The following ANKS1B variants were observed in gnomAD, a reference collection of about 807,000 sequenced individuals.
ANKS1B encodes ankyrin repeat and sterile alpha motif domain containing 1B.
A neutral mutation model predicts 148.3 loss-of-function variants in ANKS1B; 36 were observed. That is an observed-to-expected ratio of 0.24 (90% CI 0.19 to 0.32). The LOEUF (loss-of-function observed/expected upper bound fraction) is 0.32, where lower values mean the gene tolerates loss of function less well. ANKS1B is among the 10% of genes least tolerant of loss of function. The pLI, the probability that ANKS1B is intolerant of heterozygous loss-of-function variation, is 1.00. For synonymous variants in ANKS1B, 542 were observed against 560.8 expected (o/e 0.97, Z 0.47); for missense variants, 1,157 against 1,542.6 (o/e 0.75, Z 4.19).
rs146806208 is a variant in ANKS1B at position 99,904,524 on chromosome 12, T to C, written c.135-79135A>G. Among the ~76,000 whole-genome samples, 26 of 152,228 alleles carry C rather than the reference T, an allele frequency of 1.7e-4. No individual in the cohort carries two copies. In the East Asian group the frequency reaches 3.7e-3, roughly 22 times the overall value. On this transcript the variant is annotated intron_variant, in intron 1 of 26. Coordinates refer to ENST00000683438, the MANE Select transcript of ANKS1B (RefSeq NM_001352186.2). ...TTTTTTAGAAATCACACACAGTACA[T>C]TATATTCTGAAAATTGATTCACCAA... is the stretch of plus-strand genomic sequence containing the variant.
chr12:99,342,983 C>T (rs887658757), intron 12 of ANKS1B, among the ~76,000 whole-genome samples: 2 of 151,588 alleles, frequency 1.3e-5, no homozygotes, highest in Non-Finnish European at 2.9e-5. Context: ...TATTTTTAAT[C>T]AAATAGAAAA....
At chr12:99,496,318 G>A (rs1452222133) in intron 10 of ANKS1B, among the ~76,000 whole-genome samples, 3 of 152,036 alleles carry the variant, frequency 2.0e-5, no homozygotes, top group Non-Finnish European at 4.4e-5. Context: ...ATTTCATAAG[G>A]GATTTTACTG....
intron 9 of ANKS1B, among the ~76,000 whole-genome samples, chr12:99,558,226 G>A (rs1056826174): frequency 4.6e-5 from 7 of 152,142 alleles, no homozygotes; most frequent in African/African-American, 1.2e-4. Context: ...ATTGGTGACC[G>A]TAGCGGTGGG....
intron 22 of ANKS1B, among the ~76,000 whole-genome samples, chr12:98,797,496 C>G (rs2098960626): frequency 6.6e-6 from 1 of 152,152 alleles, no homozygotes; most frequent in African/African-American, 2.4e-5. Flanking sequence ...TAACAGGTGA[C>G]TCCTAAGGCA....
chr12:98,937,604 C>T (rs890696021), intron 17 of ANKS1B, among the ~76,000 whole-genome samples: 1 of 152,090 alleles, frequency 6.6e-6, no homozygotes, highest in African/African-American at 2.4e-5. Context: ...CCTGAATAAG[C>T]CCTTTCCTGA....
chr12:99,777,642 T>C (rs1160518506), intron 6 of ANKS1B, among the ~76,000 whole-genome samples: 1 of 152,128 alleles, frequency 6.6e-6, no homozygotes, highest in Non-Finnish European at 1.5e-5. Context: ...TGGAGTGCAG[T>C]GGCGCGATCT....
intron 25 of ANKS1B, among the ~76,000 whole-genome samples, chr12:98,762,326 A>G (rs2098419695): frequency 6.6e-6 from 1 of 152,108 alleles, no homozygotes. Context: ...CTCTGATTAG[A>G]AGGGGCTATC....
At chr12:99,931,203 A>C (rs1476834025) in intron 1 of ANKS1B, among the ~76,000 whole-genome samples, 1 of 151,918 alleles carries the variant, frequency 6.6e-6, no homozygotes, top group Non-Finnish European at 1.5e-5. Flanking sequence ...GGGTCGGGGG[A>C]GAGGGGAGGG....
chr12:99,611,822 C>A (rs2097904870), intron 9 of ANKS1B, among the ~76,000 whole-genome samples: 1 of 152,054 alleles, frequency 6.6e-6, no homozygotes, highest in Admixed American at 6.6e-5. Flanking sequence ...ACCTAATGTA[C>A]ATTCCAGGAA....
intron 1 of ANKS1B, among the ~76,000 whole-genome samples, chr12:99,955,317 AC>A (rs1334005013): frequency 6.6e-5 from 10 of 151,348 alleles, no homozygotes; most frequent in Non-Finnish European, 1.5e-4. Flanking sequence ...ACACGGTGAA[AC>A]CCCGTCTCTA....
intron 17 of ANKS1B, among the ~76,000 whole-genome samples, chr12:98,909,864 T>G (rs749365258): frequency 1.3e-5 from 2 of 152,226 alleles, no homozygotes; most frequent in Non-Finnish European, 2.9e-5. Flanking sequence ...CATGAATAAT[T>G]GGCTACAGCT....
intron 14 of ANKS1B, among the ~76,000 whole-genome samples, chr12:99,171,673 C>A (rs2077770885): frequency 6.6e-6 from 1 of 152,098 alleles, no homozygotes; most frequent in African/African-American, 2.4e-5. Flanking sequence ...GAAATTTAAG[C>A]CTAAAATGCT....
At chr12:99,929,154 C>T (rs2094548881) in intron 1 of ANKS1B, among the ~76,000 whole-genome samples, 1 of 152,086 alleles carries the variant, frequency 6.6e-6, no homozygotes, top group African/African-American at 2.4e-5. Flanking sequence ...TTCATAAATT[C>T]TTATATAAGT....
intron 1 of ANKS1B, among the ~76,000 whole-genome samples, chr12:99,917,921 G>A (rs1368408276): frequency 6.6e-6 from 1 of 152,264 alleles, no homozygotes; most frequent in Non-Finnish European, 1.5e-5. Context: ...TATCGCCTGA[G>A]CGCTGTCTCT....
chr12:99,946,253 C>G (rs1461511351), intron 1 of ANKS1B, among the ~76,000 whole-genome samples: 1 of 152,178 alleles, frequency 6.6e-6, no homozygotes, highest in African/African-American at 2.4e-5. Context: ...CCCCAATTCT[C>G]CATTCTTGGC....
chr12:99,948,015 T>C (rs535450479), intron 1 of ANKS1B, among the ~76,000 whole-genome samples: 1 of 152,312 alleles, frequency 6.6e-6, no homozygotes, highest in South Asian at 2.1e-4. Flanking sequence ...CATGTGACTG[T>C]ATTAGACCCA....
chr12:99,745,341 C>A (rs1341145844), intron 8 of ANKS1B, among the ~76,000 whole-genome samples: 2 of 152,110 alleles, frequency 1.3e-5, no homozygotes, highest in African/African-American at 4.8e-5. Flanking sequence ...AAACATTGGG[C>A]AAATTTGTCT....
At chr12:99,502,328 C>A (rs750174185) in intron 10 of ANKS1B, among the ~76,000 whole-genome samples, 2 of 152,140 alleles carry the variant, frequency 1.3e-5, no homozygotes, top group Non-Finnish European at 1.5e-5. Context: ...CTGGGGTCAG[C>A]ATTGTTTTCA....
intron 9 of ANKS1B, among the ~76,000 whole-genome samples, chr12:99,625,348 C>A (rs1053498014): frequency 6.6e-6 from 1 of 152,000 alleles, no homozygotes; most frequent in African/African-American, 2.4e-5. Context: ...ACAATATATT[C>A]TTGTAGCAAA....
Sources: allele counts gnomAD v4.1 joint callset (sites outside exome capture counted in the v4.1 genomes callset), GRCh38; gene constraint gnomAD v4.1.1; transcripts MANE v1.5; gene names NCBI Gene and HGNC (gene_info 2026-07-23, HGNC 2026-07-21).